Variants in NKAIN3 observed in about 807,000 individuals in gnomAD.
NKAIN3 encodes the protein sodium/potassium transporting ATPase interacting 3.
In NKAIN3, 25 loss-of-function variants were observed where a neutral mutation model predicts 30.2. That is an observed-to-expected ratio of 0.83 (90% CI 0.60 to 1.16). The LOEUF (loss-of-function observed/expected upper bound fraction) is 1.16. NKAIN3 is among the 50% of genes most tolerant of loss of function. NKAIN3 has a pLI of 0.00. For synonymous variants in NKAIN3, 91 were observed against 89.6 expected (o/e 1.02, Z -0.09); for missense variants, 225 against 254.1 (o/e 0.89, Z 0.78).
intron 1 of NKAIN3, among the ~76,000 whole-genome samples, chr8:62,450,298 A>G (rs1400267279): frequency 6.6e-6 from 1 of 152,138 alleles, no homozygotes; most frequent in East Asian, 1.9e-4. Flanking sequence ...TTGTTAAGGG[A>G]TGGGTAAGAT....
chr8:62,350,549 G>C (rs1238909592), intron 1 of NKAIN3, among the ~76,000 whole-genome samples: 3 of 152,104 alleles, frequency 2.0e-5, no homozygotes, highest in African/African-American at 7.2e-5. Flanking sequence ...GGTGGTGATG[G>C]CTGCAGAACA....
chr8:62,365,268 TC>T (rs1816701722), intron 1 of NKAIN3, among the ~76,000 whole-genome samples: 1 of 152,172 alleles, frequency 6.6e-6, no homozygotes, highest in Non-Finnish European at 1.5e-5. Context: ...CCAGTTTCAT[TC>T]TCTCCTGTCT....
At chr8:62,357,697 C>T (rs1816403594) in intron 1 of NKAIN3, among the ~76,000 whole-genome samples, 1 of 152,124 alleles carries the variant, frequency 6.6e-6, no homozygotes, top group Non-Finnish European at 1.5e-5. Context: ...TTCATGACCT[C>T]GACCTGCCTG....
intron 1 of NKAIN3, among the ~76,000 whole-genome samples, chr8:62,563,891 A>T (rs1395491691): frequency 6.6e-6 from 1 of 152,136 alleles, no homozygotes. Context: ...TTCCAAACCT[A>T]GTATTGAGCT....
intron 1 of NKAIN3, among the ~76,000 whole-genome samples, chr8:62,556,385 A>G (rs1003136352): frequency 3.3e-5 from 5 of 151,718 alleles, no homozygotes; most frequent in African/African-American, 1.2e-4. Context: ...GAAAAAACTG[A>G]TCAACTCAAA....
intron 4 of NKAIN3, among the ~76,000 whole-genome samples, chr8:62,806,779 A>C (rs1818300939): frequency 6.6e-6 from 1 of 151,980 alleles, no homozygotes; most frequent in African/African-American, 2.4e-5. Context: ...CTTTGTGCAC[A>C]TGTACCCTAA....
intron 1 of NKAIN3, among the ~76,000 whole-genome samples, chr8:62,493,048 T>C (rs903196759): frequency 6.6e-6 from 1 of 152,194 alleles, no homozygotes; most frequent in Admixed American, 6.6e-5. Context: ...ACTCTTAAGT[T>C]GAATTAGATC....
At chr8:62,381,783 T>C (rs1208924774) in intron 1 of NKAIN3, among the ~76,000 whole-genome samples, 1 of 152,170 alleles carries the variant, frequency 6.6e-6, no homozygotes, top group Non-Finnish European at 1.5e-5. Flanking sequence ...AATGACTGTA[T>C]AACTCTCAAT....
intron 4 of NKAIN3, among the ~76,000 whole-genome samples, chr8:62,909,156 G>A (rs17183265): frequency 0.21 from 31,865 of 152,044 alleles, 4,040 homozygotes; most frequent in South Asian, 0.31. Context: ...GTACCTACAG[G>A]TGTGAAACCT....
chr8:62,886,626 T>A (rs1821155843), intron 4 of NKAIN3, among the ~76,000 whole-genome samples: 1 of 152,188 alleles, frequency 6.6e-6, no homozygotes, highest in Admixed American at 6.5e-5. Flanking sequence ...AATTTTAGGT[T>A]GGTGAAGGTC....
chr8:62,330,461 A>G (rs1029175678), intron 1 of NKAIN3, among the ~76,000 whole-genome samples: 1 of 151,970 alleles, frequency 6.6e-6, no homozygotes, highest in African/African-American at 2.4e-5. Context: ...TTAAGAGGTT[A>G]GAATCGACAG....
At chr8:62,789,662 C>T (rs1817639036) in intron 4 of NKAIN3, among the ~76,000 whole-genome samples, 1 of 151,998 alleles carries the variant, frequency 6.6e-6, no homozygotes, top group African/African-American at 2.4e-5. Context: ...TACAAGCTAC[C>T]ATCAGAGAAT....
chr8:62,472,064 C>T (rs77196791), intron 1 of NKAIN3, among the ~76,000 whole-genome samples: 4,493 of 151,202 alleles, frequency 0.03, 261 homozygotes, highest in African/African-American at 0.1. Flanking sequence ...TCACTGAACT[C>T]ACTGGGGTGA....
intron 1 of NKAIN3, among the ~76,000 whole-genome samples, chr8:62,498,572 T>TA (rs373319344): frequency 7.2e-5 from 11 of 152,032 alleles, no homozygotes; most frequent in African/African-American, 2.7e-4. Flanking sequence ...CAAATTGCTT[T>TA]GCCAAGTTCA....
intron 1 of NKAIN3, among the ~76,000 whole-genome samples, chr8:62,296,340 A>G (rs1813828823): frequency 6.6e-6 from 1 of 151,884 alleles, no homozygotes; most frequent in Non-Finnish European, 1.5e-5. Context: ...GACTAACTAA[A>G]TTGAATGTGT....
intron 1 of NKAIN3, among the ~76,000 whole-genome samples, chr8:62,572,960 TAAGC>T (rs1405683808): frequency 6.6e-6 from 1 of 152,112 alleles, no homozygotes; most frequent in Non-Finnish European, 1.5e-5. Flanking sequence ...GAGGATGAAA[TAAGC>T]AAGCAGGGAC....
chr8:62,398,118 G>A (rs575762097), intron 1 of NKAIN3, among the ~76,000 whole-genome samples: 1 of 152,222 alleles, frequency 6.6e-6, no homozygotes, highest in South Asian at 2.1e-4. Context: ...GATGAACGAG[G>A]AGATAACATT....
intron 3 of NKAIN3, among the ~76,000 whole-genome samples, chr8:62,732,142 C>T (rs1815488231): frequency 6.6e-6 from 1 of 151,998 alleles, no homozygotes; most frequent in African/African-American, 2.4e-5. Flanking sequence ...GAATATTGCA[C>T]TTATGACCCA....
intron 3 of NKAIN3, among the ~76,000 whole-genome samples, chr8:62,746,311 G>T (rs756925432): frequency 6.6e-6 from 1 of 152,070 alleles, no homozygotes; most frequent in Non-Finnish European, 1.5e-5. Context: ...TGCATTTAGG[G>T]TCCACTCAGA....
Sources: allele counts gnomAD v4.1 joint callset (sites outside exome capture counted in the v4.1 genomes callset), GRCh38; gene constraint gnomAD v4.1.1; transcripts MANE v1.5; gene names NCBI Gene and HGNC (gene_info 2026-07-23, HGNC 2026-07-21).